Variants in AKAP9 observed in about 807,000 individuals in gnomAD.
AKAP9 encodes the protein A-kinase anchor protein 9.
In AKAP9, 311 loss-of-function variants were observed where a neutral mutation model predicts 488.5. The observed-to-expected ratio is 0.64, with a 90% CI of 0.58 to 0.70. The LOEUF (loss-of-function observed/expected upper bound fraction) is 0.70, where lower values mean the gene tolerates loss of function less well. Ranked by LOEUF, AKAP9 falls within the 30% of genes least tolerant of loss-of-function variation. AKAP9 has a pLI of 0.00. For synonymous variants in AKAP9, 1,462 were observed against 1,483.5 expected, an observed-to-expected ratio of 0.99 and a Z score of 0.33; for missense variants, 4,215 against 4,374.5, an observed-to-expected ratio of 0.96 and a Z score of 1.03.
At chr7:91,969,559 T>A (rs985198615) in intron 1 of AKAP9, among the ~76,000 whole-genome samples, 18 of 152,188 alleles carry the variant, frequency 1.2e-4, no homozygotes, top group Admixed American at 3.3e-4. Flanking sequence ...TTAGATCTAT[T>A]AATACTTGCT....
chr7:92,086,352 C>T lies in AKAP9; in HGVS notation c.9149C>T (p.Thr3050Ile). 3 of 1,614,012 alleles carry T rather than the reference C, an allele frequency of 1.9e-6. No homozygotes were observed. Among genetic ancestry groups the T allele is most frequent in the Non-Finnish European group, 1.7e-6 (2 of 1,179,944 alleles). ...CTAGCAGCATTTCGGACGGAGCTGACAGCTCTAGGTACTACAGATGCAGTT... is the reference window on the plus strand; with the variant it reads ...CTAGCAGCATTTCGGACGGAGCTGATAGCTCTAGGTACTACAGATGCAGTT... ...VLLAAFRTEL[T>I]ALGTTDAVGL... Residue 3050 changes from threonine to isoleucine, a missense_variant, in exon 37 of 50, where the codon ACA becomes ATA. Thr to Ile is a moderately conservative substitution (Grantham distance 89). Transcript: ENST00000356239.
intron 35 of AKAP9, 72 bp from the exon 36 acceptor site, chr7:92,085,423 C>A: frequency 7.2e-7 from 1 of 1,391,404 alleles, no homozygotes; most frequent in Non-Finnish European, 1.0e-6. Flanking sequence ...AAATTTATTT[C>A]TGTTTGTAAG....
Position 92,083,536 on chromosome 7 carries a change from G to A in AKAP9, c.8527G>A (p.Glu2843Lys). 6.2e-7 allele frequency: 1 copy of A among 1,603,294 alleles called. No individual in the cohort carries two copies. The highest frequency in any genetic ancestry group is 8.5e-7 in the Non-Finnish European group (1 of 1,175,272). The change falls in exon 33 of 50, where the codon GAA (glutamate) becomes AAA (lysine). Residue 2843 changes from glutamate to lysine, a missense_variant. By Grantham distance (56) the Glu-to-Lys change is moderately conservative. Transcript: ENST00000356239. ...ACATGCTGCTGAAATTTTGGACATG[G>A]AATCCAGACATATTTCAGAAACTGA... ...ELHAAEILDM[E>K]SRHISETETL...
chr7:92,036,409 A>G (rs1643974194), intron 16 of AKAP9, among the ~76,000 whole-genome samples: 1 of 151,912 alleles, frequency 6.6e-6, no homozygotes, highest in African/African-American at 2.4e-5. Context: ...AGCTCACACA[A>G]TCCTCTCACC....
chr7:92,102,865 C>T (rs772479287), intron 46 of AKAP9, 39 bp downstream of exon 46: 8 of 1,507,652 alleles, frequency 5.3e-6, no homozygotes, highest in Admixed American at 3.3e-5. Flanking sequence ...CTAGTAGACT[C>T]TCTAAAAGGA....
At chr7:92,107,687 T>G (rs2130925571) in intron 48 of AKAP9, 1 of 334,170 alleles carries the variant, frequency 3.0e-6, no homozygotes, top group East Asian at 6.6e-5. Flanking sequence ...CTGTCTCTAC[T>G]AAAAATACAA....
chr7:92,045,327 A>G, intron 21 of AKAP9, 114 bp downstream of exon 21: 1 of 990,068 alleles, frequency 1.0e-6, no homozygotes, highest in Non-Finnish European at 1.6e-6. Flanking sequence ...CAGCAAATGG[A>G]CCTTCAAACA....
At position 92,014,533 on chromosome 7, in the gene AKAP9, G is replaced by T. The variant is rs891905957; in HGVS notation, c.3612+205G>T. Among the ~76,000 whole-genome samples, 142 of 152,164 alleles carry T rather than the reference G, an allele frequency of 9.3e-4. 14 individuals carry two copies. The highest frequency in any genetic ancestry group is 2.1e-4 in the South Asian group (1 of 4,824). ...AGTCCCAGCTACTTGGGAGACTGAG[G>T]CATTGGAATTGCTTGGGCATGGGAG... On this transcript the variant is annotated intron_variant, in intron 10 of 49. Transcript: ENST00000356239.
rs200851601 is a variant in AKAP9, at chr7:91,980,269, G to C, written c.307-20G>C. 1 of 1,521,642 alleles carries C rather than the reference G, an allele frequency of 6.6e-7. No individual in the cohort carries two copies. The highest frequency in any genetic ancestry group is 1.7e-5 in the Admixed American group (1 of 58,918). The allele number at this position is 1,521,642 out of a possible 1,614,324, so 94.3% of individuals were successfully genotyped here. A position where few individuals can be genotyped will look rare whatever the true frequency, so the allele number is the denominator to read the frequency against. ...GCACAAAAAAGTCATAATTATATTT[G>C]GTTTTTATTTTTGTTTTAGCTGGAA... On this transcript the variant is annotated intron_variant, in intron 2 of 49. Coordinates refer to ENST00000356239, the MANE Select transcript of AKAP9 (RefSeq NM_005751.5).
chr7:92,057,148 C>T lies in AKAP9; in HGVS notation c.5602-4112C>T, dbSNP rs1340369202. 2.0e-5 allele frequency among the ~76,000 whole-genome samples: 3 copies of T among 151,958 alleles called. No homozygotes were observed. The East Asian group carries it at 5.8e-4, about 29-fold the overall frequency. On this transcript the variant is annotated intron_variant, in intron 22 of 49. Coordinates refer to ENST00000356239, the MANE Select transcript of AKAP9 (RefSeq NM_005751.5). Reference sequence around the variant, plus strand: ...GCTTTAAAAAGAATTTTTTCCTTAGCATGTACTCTGTAAACAATATGAAAA... The same window carrying T: ...GCTTTAAAAAGAATTTTTTCCTTAGTATGTACTCTGTAAACAATATGAAAA...
At chr7:91,970,261 G>A (rs1366013825) in intron 1 of AKAP9, among the ~76,000 whole-genome samples, 1 of 151,966 alleles carries the variant, frequency 6.6e-6, no homozygotes, top group African/African-American at 2.4e-5. Flanking sequence ...CAATTTACAT[G>A]TTTTTATATT....
chr7:92,026,793 A>C (rs1275801670), intron 14 of AKAP9, among the ~76,000 whole-genome samples: 7 of 132,204 alleles, frequency 5.3e-5, no homozygotes, highest in Non-Finnish European at 1.1e-4. Flanking sequence ...CTGGCCGCCC[A>C]TCATCTGGGA....
At position 92,097,684 on chromosome 7, in the gene AKAP9, T is replaced by A; in HGVS notation, c.10497T>A (p.Ile3499=). 6.2e-7 allele frequency: 1 copy of A among 1,614,160 alleles called. No homozygotes were observed. The highest frequency in any genetic ancestry group is 8.5e-7 in the Non-Finnish European group (1 of 1,180,018). The change falls in exon 42 of 50, where the codon ATT becomes ATA. Residue 3499 remains isoleucine (I), a synonymous_variant. Transcript: ENST00000356239. ...ETKESNYAKL[I]EMNGGGTGCN... ...AAGAATCAAACTACGCTAAATTGAT[T>A]GAAATGAATGGAGGAGGAACCGGCT...
At chr7:92,006,621 A>G (rs1562968434) in intron 8 of AKAP9, among the ~76,000 whole-genome samples, 1 of 152,240 alleles carries the variant, frequency 6.6e-6, no homozygotes, top group African/African-American at 2.4e-5. Flanking sequence ...GAAGAAATCG[A>G]GCAGTGACTT....
intron 29 of AKAP9, 89 bp downstream of exon 29, chr7:92,077,096 C>CT (rs36053963): frequency 0.035 from 8,968 of 257,036 alleles, 6 homozygotes; most frequent in East Asian, 0.055. Flanking sequence ...TTATTTCTTT[C>CT]TTTTTTTTTT....
chr7:91,994,296 C>T (rs1798127464), intron 5 of AKAP9, among the ~76,000 whole-genome samples: 1 of 152,128 alleles, frequency 6.6e-6, no homozygotes, highest in Non-Finnish European at 1.5e-5. Flanking sequence ...GTTTCATCCT[C>T]TTCAGAAACA....
chr7:92,025,138 T>G (rs930234198), intron 14 of AKAP9, among the ~76,000 whole-genome samples: 3 of 152,244 alleles, frequency 2.0e-5, no homozygotes, highest in Non-Finnish European at 2.9e-5. Flanking sequence ...TGGAAACCAC[T>G]GCTTTCTGAT....
chr7:92,029,925 A>G lies in AKAP9; in HGVS notation c.4179A>G (p.Glu1393=). Residue 1393 remains glutamate, a synonymous_variant, in exon 15 of 50, where the codon GAA becomes GAG. Transcript: ENST00000356239. The part of the protein sequence containing the change: ...SLPVDSVVIT[E]SDAQRTMYPG... ...CTGTTGATTCGGTGGTAATTACAGA[A>G]TCTGATGCACAGAGAACAATGTACC... The G allele has an allele frequency of 6.2e-7, 1 of 1,613,222 alleles. No homozygotes were observed.
chr7:91,947,988 C>A (rs1791677668), intron 1 of AKAP9, among the ~76,000 whole-genome samples: 1 of 152,160 alleles, frequency 6.6e-6, no homozygotes, highest in African/African-American at 2.4e-5. Flanking sequence ...TAACAATCAC[C>A]AACGCACTCT....
Sources: allele counts gnomAD v4.1 joint callset (sites outside exome capture counted in the v4.1 genomes callset), GRCh38; gene constraint gnomAD v4.1.1; transcripts MANE v1.5; gene names NCBI Gene and HGNC (gene_info 2026-07-23, HGNC 2026-07-21).